WLS: variants seen among roughly 807,000 people sequenced by gnomAD.
WLS encodes the protein Wnt ligand secretion mediator, also known as protein wntless homolog.
A neutral mutation model predicts 62.8 loss-of-function variants in WLS; 23 were observed. The ratio of observed to expected loss-of-function variants is 0.37; its 90% CI spans 0.26 to 0.52. The LOEUF (loss-of-function observed/expected upper bound fraction) is 0.52. WLS is among the 20% of genes least tolerant of loss of function. The pLI is 0.92. For missense variants in WLS, 615 were observed against 697.3 expected (o/e 0.88, Z 1.33); for synonymous variants, 246 against 244.1 (o/e 1.01, Z -0.07).
At chr1:68,114,940 T>TG (rs1433984408) in intron 11 of WLS, among the ~76,000 whole-genome samples, 1 of 152,198 alleles carries the variant, frequency 6.6e-6, no homozygotes, top group Non-Finnish European at 1.5e-5. Flanking sequence ...TGGTTTGCTC[T>TG]GGGGCAGTCG....
At chr1:68,124,809 C>G (rs996274639), downstream of WLS, among the ~76,000 whole-genome samples, 4 of 152,154 alleles carry the variant, frequency 2.6e-5, no homozygotes, top group Non-Finnish European at 4.4e-5. Flanking sequence ...ATGGACTGTG[C>G]CCCAGACCTC....
Position 68,162,902 on chromosome 1 carries a change from C to T in WLS, c.380-3655G>A, listed in dbSNP as rs1570925991. On this transcript the variant is annotated intron_variant, in intron 2 of 11. Coordinates refer to ENST00000262348, the MANE Select transcript of WLS (RefSeq NM_024911.7). ...CCTTCTCGTGGATTTCCTGCGTGGA[C>T]TGCGCGTCACAGAAGGCCACAGTGG... is the stretch of plus-strand genomic sequence containing the variant. 5 of 1,561,922 alleles carry T rather than the reference C, an allele frequency of 3.2e-6. No homozygotes were observed. The Admixed American group carries it at 8.4e-5, about 26-fold the overall frequency.
intron 2 of WLS, among the ~76,000 whole-genome samples, chr1:68,168,256 G>T (rs1408959050): frequency 1.4e-5 from 2 of 142,088 alleles, no homozygotes. Flanking sequence ...AATTGAGGAA[G>T]ACATCAGAAT....
At chr1:68,160,271 G>T (rs1046515125) in intron 2 of WLS, among the ~76,000 whole-genome samples, 10 of 151,596 alleles carry the variant, frequency 6.6e-5, no homozygotes, top group East Asian at 1.9e-4. Context: ...TTTGCTTTGG[G>T]GTAAATTAAA....
intron 2 of WLS, among the ~76,000 whole-genome samples, chr1:68,175,203 A>G (rs1177037612): frequency 6.6e-6 from 1 of 152,232 alleles, no homozygotes; most frequent in Non-Finnish European, 1.5e-5. Flanking sequence ...AAAGAAATAA[A>G]ACAATGATTC....
Position 68,232,368 on chromosome 1 carries a change from C to T in WLS, c.-69G>A, listed in dbSNP as rs1388222066. 1.1e-5 allele frequency: 17 copies of T among 1,556,648 alleles called. No individual in the cohort carries two copies. Among genetic ancestry groups the T allele is most frequent in the Middle Eastern group, 1.7e-4 (1 of 5,904 alleles). On this transcript the variant is annotated 5_prime_UTR_variant, in exon 1 of 12. Transcript: ENST00000262348. ...TAGGGTGAGCTTTTTGCTCCCTCCT[C>T]TCACACACTCCCTCCTTCCTCGCCT...
At chr1:68,226,611 T>C (rs1364097517) in intron 1 of WLS, among the ~76,000 whole-genome samples, 1 of 152,136 alleles carries the variant, frequency 6.6e-6, no homozygotes, top group African/African-American at 2.4e-5. Context: ...AACTACATCC[T>C]AGGAAATCTT....
intron 1 of WLS, among the ~76,000 whole-genome samples, chr1:68,212,577 T>G (rs1220067071): frequency 6.6e-6 from 1 of 152,172 alleles, no homozygotes; most frequent in Non-Finnish European, 1.5e-5. Flanking sequence ...ATAAAATACT[T>G]AATACATTGC....
At chr1:68,135,843 G>A (rs920203944) in intron 11 of WLS, among the ~76,000 whole-genome samples, 5 of 152,154 alleles carry the variant, frequency 3.3e-5, no homozygotes, top group African/African-American at 9.7e-5. Flanking sequence ...CAGGCTGAAT[G>A]CTCCCATTTT....
intron 1 of WLS, among the ~76,000 whole-genome samples, chr1:68,230,703 G>A (rs867999479): frequency 6.6e-6 from 1 of 152,088 alleles, no homozygotes; most frequent in Non-Finnish European, 1.5e-5. Flanking sequence ...ACCCTTTTCT[G>A]TTTTGTGGAT....
Position 68,126,054 on chromosome 1 carries a change from A to G in WLS, c.*172T>C. The G allele has an allele frequency of 7.0e-7, 1 of 1,435,734 alleles. No homozygotes were observed. Among genetic ancestry groups the G allele is most frequent in the South Asian group, 1.6e-5 (1 of 63,660 alleles). 88.9% of individuals were successfully genotyped at this position (1,435,734 alleles called of 1,614,324 possible). A position where few individuals can be genotyped will look rare whatever the true frequency, so the allele number is the denominator to read the frequency against. ...TAGTGGCTGCAGGAATCTTCCTCCA[A>G]AAGCTACCGTCAGAAGGCAAACTGA... is the stretch of plus-strand genomic sequence containing the variant. On this transcript the variant is annotated 3_prime_UTR_variant, in exon 12 of 12. Transcript: ENST00000262348.
intron 2 of WLS, among the ~76,000 whole-genome samples, chr1:68,175,219 A>G (rs933934935): frequency 6.6e-5 from 10 of 152,256 alleles, no homozygotes; most frequent in Admixed American, 5.2e-4. Flanking sequence ...GATTCCTAAG[A>G]GCTCACATTT....
At chr1:68,115,506 A>C (rs1646279688) in intron 11 of WLS, among the ~76,000 whole-genome samples, 1 of 152,170 alleles carries the variant, frequency 6.6e-6, no homozygotes, top group Non-Finnish European at 1.5e-5. Context: ...CACAGCCTTG[A>C]GTGCTGGCTG....
intron 3 of WLS, among the ~76,000 whole-genome samples, chr1:68,158,808 G>A (rs1303862734): frequency 6.6e-6 from 1 of 152,116 alleles, no homozygotes. Context: ...CTTACCTGAG[G>A]TCACACCGTC....
chr1:68,155,053 G>C (rs752900285), intron 4 of WLS, 46 bp downstream of exon 4: 29 of 1,583,802 alleles, frequency 1.8e-5, no homozygotes, highest in Non-Finnish European at 2.5e-5. Context: ...GAGTGAGATG[G>C]AGTTCCCCTC....
chr1:68,119,533 G>T lies in WLS; in HGVS notation c.1510+18247C>A, dbSNP rs973237767. On this transcript the variant is annotated intron_variant, in intron 11 of 11. Transcript: ENST00000354777. ...TGGCGGTGGCCCTCTACCTACAAAG[G>T]ATGGGAGTGGAGTGGCTCTCTCTCA... 3.2e-4 allele frequency among the ~76,000 whole-genome samples: 48 copies of T among 152,210 alleles called. 1 individual carries two copies.
In WLS at chr1:68,209,532, A is replaced by G. The variant is rs141283031; in HGVS notation, c.107-15305T>C. On this transcript the variant is annotated intron_variant, in intron 1 of 11. Coordinates refer to ENST00000262348, the MANE Select transcript of WLS (RefSeq NM_024911.7). ...GTTGGCTCGTGCCTGTAATCCCAGC[A>G]CTTTGGGAGGCCGAGGTGGGCGGAA... Among the ~76,000 whole-genome samples the G allele has an allele frequency of 7.8e-3, 1,188 of 152,290 alleles. 19 individuals carry two copies. The highest frequency in any genetic ancestry group is 0.027 in the African/African-American group (1,132 of 41,558).
intron 1 of WLS, among the ~76,000 whole-genome samples, chr1:68,200,834 A>G (rs1433223429): frequency 6.6e-6 from 1 of 152,182 alleles, no homozygotes; most frequent in African/African-American, 2.4e-5. Context: ...TTGCCTTATG[A>G]GAACTTATAT....
intron 5 of WLS, 103 bp from the exon 6 acceptor site, chr1:68,150,459 G>T: frequency 1.4e-6 from 2 of 1,467,772 alleles, no homozygotes; most frequent in Non-Finnish European, 1.9e-6. Context: ...GTTACTTATT[G>T]GGTCTGAAGC....
Sources: allele counts gnomAD v4.1 joint callset (sites outside exome capture counted in the v4.1 genomes callset), GRCh38; gene constraint gnomAD v4.1.1; transcripts MANE v1.5; gene names NCBI Gene and HGNC (gene_info 2026-07-23, HGNC 2026-07-21).